The following THRAP3 variants were observed in gnomAD, a reference collection of about 807,000 sequenced individuals.
THRAP3 encodes thyroid hormone receptor-associated protein 3.
THRAP3 carries 16 observed loss-of-function variants against 101.0 expected under a neutral mutation model. The observed-to-expected ratio is 0.16, with a 90% CI of 0.11 to 0.24. The LOEUF is 0.24. Among genes scored for constraint, THRAP3 ranks in the 10% least tolerant of loss-of-function variants. The pLI, the probability that THRAP3 is intolerant of heterozygous loss-of-function variation, is 1.00. For missense variants in THRAP3, 989 were observed against 1,202.7 expected (o/e 0.82, Z 2.63); for synonymous variants, 407 against 422.6 (o/e 0.96, Z 0.45).
rs1277845711 is a variant in THRAP3 at position 36,268,425 on chromosome 1, C to A, written c.-32+8941C>A. Among the ~76,000 whole-genome samples, 7 of 152,294 alleles carry A rather than the reference C, an allele frequency of 4.6e-5. No homozygotes were observed. In the East Asian group the frequency reaches 1.4e-3, roughly 29 times the overall value. On this transcript the variant is annotated intron_variant, in intron 2 of 11. Transcript: ENST00000354618. Reference sequence around the variant, plus strand: ...ATAAGAGCCGGTCCAGTATTTGTTACATTGGCAGTGTTACACCAGGCTTGC... The same window carrying A: ...ATAAGAGCCGGTCCAGTATTTGTTAAATTGGCAGTGTTACACCAGGCTTGC...
intron 1 of THRAP3, among the ~76,000 whole-genome samples, chr1:36,251,001 C>T (rs934107171): frequency 8.6e-5 from 13 of 152,018 alleles, no homozygotes; most frequent in African/African-American, 3.1e-4. Context: ...CCCACCTTGG[C>T]CTTCCAAAGT....
intron 1 of THRAP3, among the ~76,000 whole-genome samples, chr1:36,243,721 CCAGACGGGGCGGTGGCCGGG>C (rs997606208): frequency 3.3e-5 from 5 of 152,186 alleles, no homozygotes; most frequent in African/African-American, 1.2e-4. Flanking sequence ...GGCACACCTC[CCAGACGGGGCGGTGGCCGGG>C]CAGAGGGGCT....
At chr1:36,209,451 T>A in the THRAP3 span, among the ~76,000 whole-genome samples, 22 of 152,154 alleles carry the variant, frequency 1.4e-4, no homozygotes, top group African/African-American at 5.1e-4. Flanking sequence ...CAATACCCAG[T>A]AGATGTCAGC....
chr1:36,281,074 C>T (rs959307081), intron 2 of THRAP3, among the ~76,000 whole-genome samples: 9 of 151,702 alleles, frequency 5.9e-5, no homozygotes, highest in South Asian at 2.1e-4. Context: ...TACAGGCACC[C>T]GCCACTACTT....
chr1:36,235,104 A>G (rs1051786980), intron 1 of THRAP3, among the ~76,000 whole-genome samples: 17 of 152,126 alleles, frequency 1.1e-4, no homozygotes, highest in African/African-American at 7.2e-5. Flanking sequence ...GTGAGGCACT[A>G]TGACCAGCCT....
At chr1:36,236,458 T>A (rs1027603337) in intron 1 of THRAP3, among the ~76,000 whole-genome samples, 2 of 152,168 alleles carry the variant, frequency 1.3e-5, no homozygotes, top group South Asian at 2.1e-4. Context: ...CTTCCCTTCC[T>A]TCTTCCCCCT....
rs1319675630 is a variant in THRAP3, at chr1:36,259,363, T to C, written c.-134-19T>C. The C allele has an allele frequency of 5.0e-6, 2 of 398,498 alleles. No individual in the cohort carries two copies. The highest frequency in any genetic ancestry group is 8.8e-6 in the Non-Finnish European group (2 of 226,072). The allele number at this position is 398,498 out of a possible 1,614,324, so 24.7% of individuals were successfully genotyped here. On this transcript the variant is annotated intron_variant, in intron 1 of 11. Transcript: ENST00000354618. ...ATTTGGGTAGCCATTTTATCACTAC[T>C]TATTTTCTCTCATTTCAGAAGTGTA...
intron 9 of THRAP3, among the ~76,000 whole-genome samples, chr1:36,299,884 CT>C (rs1646010046): frequency 1.3e-5 from 2 of 152,140 alleles, no homozygotes; most frequent in Admixed American, 1.3e-4. Flanking sequence ...TACATGAATC[CT>C]ATCACAGTAA....
In THRAP3 at chr1:36,301,560, G is replaced by C. The variant is rs149610949; in HGVS notation, c.2510G>C (p.Arg837Pro). The C allele has an allele frequency of 2.5e-6, 4 of 1,612,752 alleles. No homozygotes were observed. Among genetic ancestry groups the C allele is most frequent in the Non-Finnish European group, 3.4e-6 (4 of 1,179,588 alleles). ...GGRARGTFQF[R>P]ARGRGWGRGN... Reference sequence around the variant, plus strand: ...CCTCATTTATTGCAATAGCAGTTTCGAGCCAGAGGAAGAGGCTGGGGCAGA... The same window carrying C: ...CCTCATTTATTGCAATAGCAGTTTCCAGCCAGAGGAAGAGGCTGGGGCAGA... Residue 837 changes from arginine to proline, a missense_variant, in exon 11 of 12, where the codon CGA becomes CCA. Arg to Pro is a moderately radical substitution (Grantham distance 103). Transcript: ENST00000354618.
intron 1 of THRAP3, among the ~76,000 whole-genome samples, chr1:36,246,908 C>T (rs528878228): frequency 2.6e-5 from 4 of 152,024 alleles, no homozygotes; most frequent in African/African-American, 4.8e-5. Context: ...ATTGTATCAA[C>T]GGTTCTTTTT....
Position 36,275,605 on chromosome 1 carries a change from G to GAAA in THRAP3, c.-31-6928_-31-6927insAAA, listed in dbSNP as rs35882055. On this transcript the variant is annotated intron_variant, in intron 2 of 11. Coordinates refer to ENST00000354618, the MANE Select transcript of THRAP3 (RefSeq NM_005119.4). ...CTGTCTCAAAAAAAAAAAAAAAAAA[G>GAAA]TCTTCTTTTTTTTTTTTCTTTTGAG... 7.3e-5 allele frequency among the ~76,000 whole-genome samples: 10 copies of GAAA among 136,484 alleles called. No individual in the cohort carries two copies. The East Asian group carries it at 1.4e-3, about 19-fold the overall frequency. The allele number at this position is 136,484 out of a possible 152,430, so 89.5% of individuals were successfully genotyped here. A position where few individuals can be genotyped will look rare whatever the true frequency, so the allele number is the denominator to read the frequency against.
rs1272877031 is a variant in THRAP3 at position 36,267,840 on chromosome 1, A to G, written c.-32+8356A>G. Among the ~76,000 whole-genome samples the G allele has an allele frequency of 1.2e-4, 6 of 48,192 alleles. 1 individual carries two copies. Among genetic ancestry groups the G allele is most frequent in the African/African-American group, 2.4e-4 (6 of 25,054 alleles). 31.6% of individuals were successfully genotyped at this position (48,192 alleles called of 152,430 possible). A position where few individuals can be genotyped will look rare whatever the true frequency, so the allele number is the denominator to read the frequency against. ...TCTGTTAGAAAAGGTCTGTTTTACA[A>G]CTGGGAATCCAAAACATCCAAAGTG... On this transcript the variant is annotated intron_variant, in intron 2 of 11. Coordinates refer to ENST00000354618, the MANE Select transcript of THRAP3 (RefSeq NM_005119.4).
chr1:36,247,230 G>T (rs1431889620), intron 1 of THRAP3, among the ~76,000 whole-genome samples: 1 of 151,978 alleles, frequency 6.6e-6, no homozygotes, highest in Non-Finnish European at 1.5e-5. Context: ...GGCAGGAGAA[G>T]CTCTTGAACC....
At chr1:36,245,484 A>C (rs1645220262) in intron 1 of THRAP3, among the ~76,000 whole-genome samples, 1 of 152,104 alleles carries the variant, frequency 6.6e-6, no homozygotes, top group African/African-American at 2.4e-5. Flanking sequence ...CCCCAATCTT[A>C]CAGGTAAACA....
chr1:36,303,765 T>C (rs1646059055), intron 11 of THRAP3, 31 bp from the exon 12 acceptor site: 2 of 1,613,542 alleles, frequency 1.2e-6, no homozygotes, highest in Non-Finnish European at 1.7e-6. Context: ...TTGTTCACTC[T>C]GGCACTGATG....
intron 1 of THRAP3, among the ~76,000 whole-genome samples, chr1:36,252,927 C>CATATATATATATATAT (rs71053916): frequency 1.0e-4 from 8 of 76,572 alleles, no homozygotes; most frequent in East Asian, 6.0e-4. Context: ...TATAGATAGG[C>CATATATATATATATAT]ATATATATAT....
In THRAP3 at chr1:36,287,399, A is replaced by G. The variant is rs1430846610; in HGVS notation, c.1040+129A>G. On this transcript the variant is annotated intron_variant, in intron 4 of 11. Coordinates refer to ENST00000354618, the MANE Select transcript of THRAP3 (RefSeq NM_005119.4). ...ATCCCTATTTCCTAGACTTTTCGTT[A>G]GTAAACATTAAAAGCATCACCCAAG... 2.2e-6 allele frequency: 3 copies of G among 1,387,608 alleles called. No individual in the cohort carries two copies. The African/African-American group carries it at 4.4e-5, about 20-fold the overall frequency. The allele number at this position is 1,387,608 out of a possible 1,614,324, so 86.0% of individuals were successfully genotyped here.
chr1:36,295,993 A>G (rs1228388926), intron 8 of THRAP3, among the ~76,000 whole-genome samples: 1 of 37,694 alleles, frequency 2.7e-5, no homozygotes, highest in Non-Finnish European at 4.7e-5. Context: ...TTTTTTTTTG[A>G]GAGATAGTCT....
intron 9 of THRAP3, among the ~76,000 whole-genome samples, chr1:36,299,418 A>T (rs1475853939): frequency 6.6e-6 from 1 of 151,442 alleles, no homozygotes. Context: ...CAGCCTGGCG[A>T]CAGAGTGAGA....
Sources: gnomAD v4.1 joint callset for allele counts (sites outside exome capture counted in the v4.1 genomes callset) on GRCh38, gnomAD v4.1.1 for gene constraint, MANE v1.5 for transcripts, NCBI Gene and HGNC (gene_info 2026-07-23, HGNC 2026-07-21) for gene names.